The following TRPM3 variants were observed in gnomAD, a reference collection of about 807,000 sequenced individuals.
The protein encoded by TRPM3 is long transient receptor potential channel 3.
In TRPM3, 77 loss-of-function variants were observed where a neutral mutation model predicts 181.2. The observed-to-expected ratio is 0.42, with a 90% CI of 0.35 to 0.51. TRPM3 has a LOEUF of 0.51. Among genes scored for constraint, TRPM3 ranks in the 20% least tolerant of loss-of-function variants. The pLI, the probability that TRPM3 is intolerant of heterozygous loss-of-function variation, is 0.01. For missense variants in TRPM3, 1,759 were observed against 2,196.7 expected (o/e 0.80, Z 3.98); for synonymous variants, 745 against 796.4 (o/e 0.94, Z 1.09).
At chr9:71,363,030 CCTTA>C (rs1210595656) in intron 1 of TRPM3, among the ~76,000 whole-genome samples, 1 of 152,026 alleles carries the variant, frequency 6.6e-6, no homozygotes, top group Non-Finnish European at 1.5e-5. Flanking sequence ...AAATAAGAAG[CCTTA>C]CTAATTTTAA....
intron 1 of TRPM3, among the ~76,000 whole-genome samples, chr9:70,933,342 A>T (rs2096793759): frequency 1.3e-5 from 2 of 152,242 alleles, no homozygotes; most frequent in Admixed American, 1.3e-4. Context: ...AAAGGGTAAG[A>T]GGAGAATAGG....
intron 1 of TRPM3, among the ~76,000 whole-genome samples, chr9:71,162,971 A>G (rs896312585): frequency 2.0e-5 from 3 of 152,178 alleles, no homozygotes; most frequent in African/African-American, 7.2e-5. Context: ...AGGGTCACTA[A>G]TTTACATAGT....
Position 71,286,123 on chromosome 9 carries a change from T to A in TRPM3, c.183+160530A>T, listed in dbSNP as rs78477670. 8.3e-3 allele frequency among the ~76,000 whole-genome samples: 1,271 copies of A among 152,298 alleles called. 27 individuals are homozygous for A. Among genetic ancestry groups the A allele is most frequent in the African/African-American group, 0.029 (1,210 of 41,542 alleles). ...GAAAGTCTGACAATTGTTTCTGAGA[T>A]CTTCAGAATTTCCTTTCATAAGGTA... On this transcript the variant is annotated intron_variant, in intron 1 of 24. Transcript: ENST00000357533.
chr9:70,838,199 T>A (rs1424893119), intron 5 of TRPM3, among the ~76,000 whole-genome samples: 2 of 152,188 alleles, frequency 1.3e-5, no homozygotes, highest in Non-Finnish European at 2.9e-5. Flanking sequence ...AAATAAACAA[T>A]TCAGTCCTCA....
At chr9:70,844,336 C>T (rs140855537) in intron 4 of TRPM3, among the ~76,000 whole-genome samples, 166 of 152,212 alleles carry the variant, frequency 1.1e-3, no homozygotes, top group Middle Eastern at 0.01. Context: ...GTGTAAATGG[C>T]CATTAATCAT....
chr9:70,572,103 T>C (rs995597011), intron 22 of TRPM3, among the ~76,000 whole-genome samples: 4 of 141,178 alleles, frequency 2.8e-5, no homozygotes, highest in Admixed American at 7.2e-5. Flanking sequence ...ACAATATTTC[T>C]TCCCAGTTAC....
chr9:70,766,534 G>A lies in TRPM3; in HGVS notation c.1149-4810C>T, dbSNP rs533585363. ...AACTTGTTAATAACACCACAATTTG[G>A]CACTTAAAAGACACAATCACCCACA... On this transcript the variant is annotated intron_variant, in intron 7 of 25. Transcript: ENST00000677713. Among the ~76,000 whole-genome samples, 5 of 152,212 alleles carry A rather than the reference G, an allele frequency of 3.3e-5. No individual in the cohort carries two copies. The East Asian group carries it at 9.6e-4, about 29-fold the overall frequency.
intron 1 of TRPM3, among the ~76,000 whole-genome samples, chr9:71,139,447 A>T (rs1040298353): frequency 1.3e-5 from 2 of 152,160 alleles, no homozygotes; most frequent in African/African-American, 4.8e-5. Flanking sequence ...AGACTTAAAA[A>T]TAGGAACAAA....
At chr9:70,778,334 A>G (rs1484849642) in intron 7 of TRPM3, among the ~76,000 whole-genome samples, 1 of 152,140 alleles carries the variant, frequency 6.6e-6, no homozygotes, top group Non-Finnish European at 1.5e-5. Flanking sequence ...AGCACACATG[A>G]CCTTCTAGTT....
intron 1 of TRPM3, among the ~76,000 whole-genome samples, chr9:71,425,779 G>A (rs1428548417): frequency 6.6e-6 from 1 of 152,042 alleles, no homozygotes; most frequent in Non-Finnish European, 1.5e-5. Context: ...CCCATAAGGG[G>A]GTACTATACA....
intron 1 of TRPM3, among the ~76,000 whole-genome samples, chr9:71,293,604 T>C (rs1384197287): frequency 1.7e-5 from 2 of 119,840 alleles, no homozygotes; most frequent in East Asian, 5.3e-4. Context: ...ACTACATTTG[T>C]GGAAAAAAAA....
At chr9:70,793,651 T>C (rs2086217168) in intron 6 of TRPM3, 2 of 470,650 alleles carry the variant, frequency 4.2e-6, no homozygotes, top group Non-Finnish European at 8.8e-6. Flanking sequence ...TCTTCACCTG[T>C]CTTTTATCCT....
At chr9:70,832,585 C>T (rs983366337) in intron 5 of TRPM3, among the ~76,000 whole-genome samples, 1 of 152,074 alleles carries the variant, frequency 6.6e-6, no homozygotes, top group Non-Finnish European at 1.5e-5. Flanking sequence ...AGGCAAAAGC[C>T]CTTTTATAGA....
At position 71,234,753 on chromosome 9, in the gene TRPM3, T is replaced by C. The variant is rs183342831; in HGVS notation, c.183+211900A>G. 2.6e-3 allele frequency among the ~76,000 whole-genome samples: 393 copies of C among 152,322 alleles called. 1 individual carries two copies. Among genetic ancestry groups the C allele is most frequent in the Non-Finnish European group, 4.4e-3 (297 of 68,024 alleles). ...TTCTGAGGTAGTGAAGATTAGGACT[T>C]CAACATGTAAATTTGGAGGAGTGTG... On this transcript the variant is annotated intron_variant, in intron 1 of 24. Coordinates refer to the TRPM3 transcript ENST00000357533.
intron 1 of TRPM3, among the ~76,000 whole-genome samples, chr9:71,317,199 G>T (rs1029785372): frequency 6.6e-6 from 1 of 152,158 alleles, no homozygotes; most frequent in Non-Finnish European, 1.5e-5. Context: ...ACCTTAAAAA[G>T]AGAGCTGAAT....
intron 1 of TRPM3, among the ~76,000 whole-genome samples, chr9:70,894,182 T>C (rs914332960): frequency 6.6e-6 from 1 of 152,226 alleles, no homozygotes; most frequent in African/African-American, 2.4e-5. Context: ...GTTTGTTTGT[T>C]TGGTGTTAGA....
chr9:70,812,479 A>G (rs904339468), intron 6 of TRPM3, among the ~76,000 whole-genome samples: 2 of 152,208 alleles, frequency 1.3e-5, no homozygotes, highest in African/African-American at 4.8e-5. Flanking sequence ...AATAGTTTGT[A>G]AAATGGCCAA....
intron 1 of TRPM3, among the ~76,000 whole-genome samples, chr9:70,915,644 G>A (rs147393108): frequency 0.018 from 2,763 of 150,746 alleles, 94 homozygotes; most frequent in African/African-American, 0.063. Context: ...TCAAGTAGAA[G>A]AAAGAATTAG....
chr9:71,350,080 C>T (rs1177172161), intron 1 of TRPM3, among the ~76,000 whole-genome samples: 1 of 151,606 alleles, frequency 6.6e-6, no homozygotes, highest in Non-Finnish European at 1.5e-5. Flanking sequence ...ATTATACACA[C>T]TCTATGGATT....
Sources: gnomAD v4.1 joint callset for allele counts (sites outside exome capture counted in the v4.1 genomes callset) on GRCh38, gnomAD v4.1.1 for gene constraint, MANE v1.5 for transcripts, NCBI Gene and HGNC (gene_info 2026-07-23, HGNC 2026-07-21) for gene names.